The following CLSTN1 variants were observed in gnomAD, a reference collection of about 807,000 sequenced individuals.
CLSTN1 encodes calsyntenin-1.
In CLSTN1, 28 loss-of-function variants were observed where a neutral mutation model predicts 108.3. The observed-to-expected ratio is 0.26, with a 90% CI of 0.19 to 0.35. CLSTN1 has a LOEUF of 0.35. CLSTN1 is among the 10% of genes least tolerant of loss of function. CLSTN1 has a pLI of 1.00. For synonymous variants in CLSTN1, 524 were observed against 534.9 expected, an observed-to-expected ratio of 0.98 and a Z score of 0.28; for missense variants, 1,157 against 1,302.6, an observed-to-expected ratio of 0.89 and a Z score of 1.72.
At chr1:9,750,992 G>C (rs1173662704) in intron 5 of CLSTN1, among the ~76,000 whole-genome samples, 1 of 152,090 alleles carries the variant, frequency 6.6e-6, no homozygotes, top group South Asian at 2.1e-4. Flanking sequence ...TTGAACCCGG[G>C]AGGCAGAGGT....
chr1:9,789,257 G>A (rs1379148545), intron 1 of CLSTN1, among the ~76,000 whole-genome samples: 7 of 151,236 alleles, frequency 4.6e-5, no homozygotes, highest in Admixed American at 2.7e-4. Flanking sequence ...TTGAGGAGCC[G>A]CCATACCGTT....
chr1:9,747,870 C>T (rs999699900), intron 7 of CLSTN1, among the ~76,000 whole-genome samples: 8 of 151,810 alleles, frequency 5.3e-5, no homozygotes, highest in Non-Finnish European at 8.8e-5. Context: ...GGTGAAACCC[C>T]GTTTCTACTA....
At chr1:9,777,153 C>G (rs1178943796) in intron 1 of CLSTN1, among the ~76,000 whole-genome samples, 18 of 143,502 alleles carry the variant, frequency 1.3e-4, no homozygotes, top group African/African-American at 4.8e-4. Context: ...CTGGGAGGTG[C>G]AGGTTGCAGT....
At chr1:9,761,064 G>A (rs1652048616) in intron 2 of CLSTN1, among the ~76,000 whole-genome samples, 1 of 151,942 alleles carries the variant, frequency 6.6e-6, no homozygotes, top group South Asian at 2.1e-4. Context: ...TCAAGCTGAA[G>A]ACACCCAACC....
In CLSTN1 at chr1:9,741,195, T is replaced by G. The variant is rs1422573758; in HGVS notation, c.1418A>C (p.Tyr473Ser). 12 of 1,613,904 alleles carry G rather than the reference T, an allele frequency of 7.4e-6. No homozygotes were observed. The highest frequency in any genetic ancestry group is 1.3e-5 in the African/African-American group (1 of 74,878). ...LNVEFPSVTL[Y>S]VDGTSHEPFS... ...GGGCTCGTGGGACGTGCCATCCACA[T>G]AGAGAGTCACACTCGGGAATTCTAC... Residue 473 changes from tyrosine (Y) to serine (S), a missense_variant, in exon 10 of 19, where the codon TAT becomes TCT. Physicochemically the swap from Tyr to Ser is moderately radical, Grantham distance 144 (BLOSUM62 -2). Transcript: ENST00000377298.
intron 1 of CLSTN1, among the ~76,000 whole-genome samples, chr1:9,808,546 G>A (rs540432139): frequency 6.6e-6 from 1 of 152,206 alleles, no homozygotes; most frequent in East Asian, 1.9e-4. Flanking sequence ...TAGGTACCAG[G>A]AAACAATGTA....
At chr1:9,732,793 G>A (rs573138128) in intron 16 of CLSTN1, among the ~76,000 whole-genome samples, 1 of 152,378 alleles carries the variant, frequency 6.6e-6, no homozygotes, top group Non-Finnish European at 1.5e-5. Flanking sequence ...CCCTGCGTGA[G>A]CCCCTCTCAA....
intron 1 of CLSTN1, among the ~76,000 whole-genome samples, chr1:9,788,006 G>C (rs1175432736): frequency 6.6e-6 from 1 of 151,390 alleles, no homozygotes; most frequent in Non-Finnish European, 1.5e-5. Flanking sequence ...TGTAATCCCA[G>C]CACTTTAGGA....
chr1:9,795,811 C>T (rs889686397), intron 1 of CLSTN1, among the ~76,000 whole-genome samples: 1 of 149,544 alleles, frequency 6.7e-6, no homozygotes. Context: ...TAAAATTAGC[C>T]AAGCATGGTG....
At chr1:9,758,709 C>T (rs1008632013) in intron 2 of CLSTN1, among the ~76,000 whole-genome samples, 5 of 152,206 alleles carry the variant, frequency 3.3e-5, no homozygotes, top group African/African-American at 1.2e-4. Flanking sequence ...TACTACCTAA[C>T]AGTGAGAATC....
At chr1:9,761,561 A>G (rs1268844081) in intron 2 of CLSTN1, among the ~76,000 whole-genome samples, 1 of 152,122 alleles carries the variant, frequency 6.6e-6, no homozygotes, top group Non-Finnish European at 1.5e-5. Flanking sequence ...AATATGAAAA[A>G]TGGATGAACC....
chr1:9,739,329 C>G (rs1650853113), intron 10 of CLSTN1, among the ~76,000 whole-genome samples: 1 of 152,208 alleles, frequency 6.6e-6, no homozygotes, highest in African/African-American at 2.4e-5. Context: ...GAACTTACAC[C>G]ACTGTTGGAC....
chr1:9,811,247 T>C (rs774438818), intron 1 of CLSTN1, among the ~76,000 whole-genome samples: 2 of 152,198 alleles, frequency 1.3e-5, no homozygotes, highest in Non-Finnish European at 2.9e-5. Context: ...TACTCCAATT[T>C]AGAAGAAGTT....
In CLSTN1 at chr1:9,823,270, G is replaced by A. The variant is rs143507670; in HGVS notation, c.91+373C>T. ...CCCAGCCTGCGTGCGCCGCTGAGCAGGGCGGACTGACCCTTCGGCCCGTCT... is the reference window on the plus strand; with the variant it reads ...CCCAGCCTGCGTGCGCCGCTGAGCAAGGCGGACTGACCCTTCGGCCCGTCT... On this transcript the variant is annotated intron_variant, in intron 1 of 18. Transcript: ENST00000377298. This position sits in a 1 kb window ranked among gnomAD's most constrained non-coding sequence, Gnocchi z 6.3. Among the ~76,000 whole-genome samples the A allele has an allele frequency of 1.6e-3, 250 of 152,330 alleles. 2 individuals are homozygous for A. Among genetic ancestry groups the A allele is most frequent in the Non-Finnish European group, 3.1e-3 (212 of 68,024 alleles).
At chr1:9,787,076 G>A (rs1296294878) in intron 1 of CLSTN1, among the ~76,000 whole-genome samples, 1 of 151,216 alleles carries the variant, frequency 6.6e-6, no homozygotes, top group East Asian at 2.0e-4. Flanking sequence ...AAGGGGCTGG[G>A]CTGAGACTGC....
Position 9,734,737 on chromosome 1 carries a change from G to C in CLSTN1, c.2110+211C>G, listed in dbSNP as rs1650591846. On this transcript the variant is annotated intron_variant, in intron 14 of 18. Transcript: ENST00000377298. This position sits in a 1 kb window ranked among gnomAD's most constrained non-coding sequence, Gnocchi z 4.8. ...ACATCTCAAAGCCTGGCAGCAACCA[G>C]GAAAAGATGTAAGACCCCTCCAGAT... Among the ~76,000 whole-genome samples, 1 of 152,068 alleles carries C rather than the reference G, an allele frequency of 6.6e-6. No homozygotes were observed. Among genetic ancestry groups the C allele is most frequent in the South Asian group, 2.1e-4 (1 of 4,816 alleles).
intron 1 of CLSTN1, among the ~76,000 whole-genome samples, chr1:9,792,361 G>A (rs1247326529): frequency 1.3e-5 from 2 of 151,504 alleles, no homozygotes; most frequent in African/African-American, 4.8e-5. Flanking sequence ...CAGGTGTGAT[G>A]TGGCAGCCTC....
chr1:9,822,310 T>C (rs1655218673), intron 1 of CLSTN1, among the ~76,000 whole-genome samples: 1 of 152,214 alleles, frequency 6.6e-6, no homozygotes, highest in South Asian at 2.1e-4. Flanking sequence ...CAACAGAATG[T>C]TAGAAATGAA....
chr1:9,762,818 C>T (rs1251660773), intron 2 of CLSTN1, among the ~76,000 whole-genome samples: 3 of 151,768 alleles, frequency 2.0e-5, no homozygotes, highest in African/African-American at 4.8e-5. Context: ...CTGCTCCACT[C>T]GGCCTTGGTG....
Sources: allele counts gnomAD v4.1 joint callset (sites outside exome capture counted in the v4.1 genomes callset), GRCh38; gene constraint gnomAD v4.1.1; non-coding constraint Gnocchi (gnomAD v3.1); transcripts MANE v1.5; gene names NCBI Gene and HGNC (gene_info 2026-07-23, HGNC 2026-07-21).